Variants in MIB2 observed in about 807,000 individuals in gnomAD.
The protein encoded by MIB2 is MIB E3 ubiquitin protein ligase 2.
A neutral mutation model predicts 96.6 loss-of-function variants in MIB2; 78 were observed. The ratio of observed to expected loss-of-function variants is 0.81; its 90% CI spans 0.67 to 0.97. The LOEUF (loss-of-function observed/expected upper bound fraction) is 0.97. Among genes scored for constraint, MIB2 ranks in the 50% least tolerant of loss-of-function variants. The pLI is 0.00. For synonymous variants in MIB2, 820 were observed against 629.5 expected, an observed-to-expected ratio of 1.30 and a Z score of -4.53; for missense variants, 1,543 against 1,424.0, an observed-to-expected ratio of 1.08 and a Z score of -1.35.
In MIB2 at chr1:1,626,983, C is replaced by T. The variant is rs765251943; in HGVS notation, c.1224C>T (p.Arg408=). The change falls in exon 10 of 20, where the codon CGC becomes CGT. Residue 408 remains arginine, a synonymous_variant. Coordinates refer to ENST00000355826, the MANE Select transcript of MIB2 (RefSeq NM_001170687.4). This position sits in a 1 kb window ranked among gnomAD's most constrained non-coding sequence, Gnocchi z 5.3. ...EEDANLDVAE[R]ARENKSSLSV... ...ATGCCAACCTGGACGTGGCCGAGCG[C>T]GCCCGGGAGAACAAAAGTGCGGCAC... The T allele has an allele frequency of 1.1e-5, 18 of 1,611,234 alleles. No homozygotes were observed. The highest frequency in any genetic ancestry group is 3.3e-5 in the Admixed American group (2 of 59,850).
rs1298421383 is a variant in MIB2, at chr1:1,623,439, C to A, written c.-14C>A. The A allele has an allele frequency of 6.2e-7, 1 of 1,601,470 alleles. No homozygotes were observed. Among genetic ancestry groups the A allele is most frequent in the East Asian group, 2.3e-5 (1 of 44,228 alleles). On this transcript the variant is annotated 5_prime_UTR_variant, in exon 3 of 20. Coordinates refer to ENST00000355826, the MANE Select transcript of MIB2 (RefSeq NM_001170687.4). ...GACCCCTCTGCCCACAGGTCCCGAG[C>A]AGCCCCGCCCAACATGGACCCAGAC...
chr1:1,630,419 C>A lies in MIB2; in HGVS notation c.2757C>A (p.Ile919=), dbSNP rs1355895276. Residue 919 remains isoleucine (I), a synonymous_variant, in exon 20 of 20, where the codon ATC becomes ATA. Transcript: ENST00000355826. ...ITCPICIDSH[I]RLVFQCGHGA... ...GCCCCATCTGCATCGACAGCCACAT[C>A]CGCCTCGTGTTCCAGTGCGGCCACG... The A allele has an allele frequency of 1.3e-6, 2 of 1,584,100 alleles. No individual in the cohort carries two copies. The highest frequency in any genetic ancestry group is 1.8e-5 in the Admixed American group (1 of 56,554).
Position 1,629,163 on chromosome 1 carries a change from G to A in MIB2, c.2233G>A (p.Glu745Lys), listed in dbSNP as rs757205242. 1 of 1,503,650 alleles carries A rather than the reference G, an allele frequency of 6.7e-7. No homozygotes were observed. The highest frequency in any genetic ancestry group is 1.5e-5 in the African/African-American group (1 of 68,930). 93.1% of individuals were successfully genotyped at this position (1,503,650 alleles called of 1,614,324 possible). Reference sequence around the variant, plus strand: ...GGCCTCGGGCCTCCCCGGCAGCGCGGAGCTGACGGTGGGCGCGGCGGTCGC... The same window carrying A: ...GGCCTCGGGCCTCCCCGGCAGCGCGAAGCTGACGGTGGGCGCGGCGGTCGC... ...LQASGLPGSAELTVGAAVACF... is the reference protein window; with the variant it reads ...LQASGLPGSAKLTVGAAVACF... The change falls in exon 17 of 20, where the codon GAG becomes AAG. Residue 745 changes from glutamate to lysine, a missense_variant. Transcript: ENST00000355826.
rs1157612245 is a variant in MIB2, at chr1:1,629,439, C to A, written c.2436C>A (p.Thr812=). ...CGGGCCCCAGGCAAACGCTCGGGAC[C>A]CCCAACACCGTGACGAACCTGCACG... ...AAPGPRQTLG[T]PNTVTNLHVG... is the part of the protein sequence containing the mutation. Residue 812 remains threonine, a synonymous_variant, in exon 18 of 20, where the codon ACC becomes ACA. Coordinates refer to ENST00000355826, the MANE Select transcript of MIB2 (RefSeq NM_001170687.4). The A allele has an allele frequency of 3.9e-6, 6 of 1,528,828 alleles. No homozygotes were observed. The highest frequency in any genetic ancestry group is 1.4e-5 in the African/African-American group (1 of 71,992). The allele number at this position is 1,528,828 out of a possible 1,614,324, so 94.7% of individuals were successfully genotyped here.
chr1:1,626,752 C>A lies in MIB2; in HGVS notation c.1075C>A (p.Pro359Thr), dbSNP rs765642355. 1.9e-6 allele frequency: 3 copies of A among 1,585,744 alleles called. No homozygotes were observed. ...TGGCGAGTGGACGGACGACATGGCC[C>A]CTGTGAGTCCCCCTGCCACCCCCGC... ...GHGEWTDDMA[P>T]ALGRVGKVVK... is the part of the protein sequence containing the mutation. The change falls in exon 9 of 20, where the codon CCT (proline) becomes ACT (threonine). Residue 359 changes from proline to threonine, a missense_variant and splice_region_variant. Pro to Thr is a conservative substitution (Grantham distance 38). Transcript: ENST00000355826. The surrounding 1 kb of genome is among the most constrained non-coding windows in gnomAD (Gnocchi z 5.3).
intron 2 of MIB2, 162 bp from the exon 3 acceptor site, chr1:1,623,269 C>T: frequency 8.0e-7 from 1 of 1,248,238 alleles, no homozygotes; most frequent in Non-Finnish European, 1.1e-6. Context: ...GACTGCGGGC[C>T]TCCTTGGGCC....
chr1:1,615,989 C>T (rs1643603089), intron 1 of MIB2: 13 of 985,026 alleles, frequency 1.3e-5, no homozygotes, highest in Non-Finnish European at 1.6e-5. Flanking sequence ...CAGTCGGGGC[C>T]GGTGGGTGGC....
At chr1:1,627,052 C>G in intron 10 of MIB2, 22 bp from the exon 11 acceptor site, 2 of 1,602,224 alleles carry the variant, frequency 1.2e-6, no homozygotes, top group Middle Eastern at 1.7e-4. Context: ...CTGGCCACCA[C>G]TAACCTCAGC....
chr1:1,628,552 C>A lies in MIB2; in HGVS notation c.2032C>A (p.Gln678Lys), dbSNP rs765793334. 6.2e-7 allele frequency: 1 copy of A among 1,601,822 alleles called. No individual in the cohort carries two copies. Among genetic ancestry groups the A allele is most frequent in the African/African-American group, 1.3e-5 (1 of 75,004 alleles). The part of the protein sequence containing the change: ...LQSPLHLAVQ[Q>K]AHVGLVPLLV... ...GTCCCCGCTGCATCTCGCCGTGCAA[C>A]AGGCCCACGTGGGGCTGGTGCCGCT... The change falls in exon 16 of 20, where the codon CAG (glutamine) becomes AAG (lysine). Residue 678 changes from glutamine to lysine, a missense_variant. Transcript: ENST00000355826.
chr1:1,628,724 T>C lies in MIB2; in HGVS notation c.2202+2T>C. ...GGGCCCTTGCAGCTGCTGTCCAGGG[T>C]GAGGAAGTGTGGCGTGGGGTGCTGG... On this transcript the variant is annotated splice_donor_variant, in intron 16 of 19. Transcript: ENST00000355826. LOFTEE classifies it high-confidence loss of function. The C allele has an allele frequency of 2.0e-6, 3 of 1,529,762 alleles. No individual in the cohort carries two copies. Among genetic ancestry groups the C allele is most frequent in the Non-Finnish European group, 2.6e-6 (3 of 1,136,368 alleles). 94.8% of individuals were successfully genotyped at this position (1,529,762 alleles called of 1,614,324 possible).
intron 16 of MIB2, 146 bp from the exon 17 acceptor site, chr1:1,628,987 C>A: frequency 1.1e-6 from 1 of 923,740 alleles, no homozygotes; most frequent in South Asian, 1.9e-5. Context: ...CCCCTCCTGC[C>A]TGTCCCACTT....
At position 1,627,107 on chromosome 1, in the gene MIB2, C is replaced by T. The variant is rs770059073; in HGVS notation, c.1274C>T (p.Ala425Val). The change falls in exon 11 of 20, where the codon GCC (alanine) becomes GTC (valine). Residue 425 changes from alanine to valine, a missense_variant. Transcript: ENST00000355826. ...SLSVALDKLR[A>V]QKSDPEHPGR... is the part of the protein sequence containing the mutation. ...AGCGTGGCCCTGGACAAGCTTCGGGCCCAGAAGAGTGACCCAGAGCACCCG... is the reference window on the plus strand; with the variant it reads ...AGCGTGGCCCTGGACAAGCTTCGGGTCCAGAAGAGTGACCCAGAGCACCCG... 1 of 1,600,426 alleles carries T rather than the reference C, an allele frequency of 6.2e-7. No individual in the cohort carries two copies. Among genetic ancestry groups the T allele is most frequent in the South Asian group, 1.1e-5 (1 of 89,616 alleles).
chr1:1,616,658 C>T, intron 2 of MIB2, 44 bp downstream of exon 2: 1 of 1,495,052 alleles, frequency 6.7e-7, no homozygotes, highest in South Asian at 1.2e-5. Context: ...GCACTTGGCT[C>T]TCCCACTTTG....
chr1:1,628,915 G>A (rs1557619592), intron 16 of MIB2, 193 bp downstream of exon 16: 1 of 720,726 alleles, frequency 1.4e-6, no homozygotes, highest in Non-Finnish European at 2.2e-6. Flanking sequence ...CTGGGAAAGG[G>A]GTGGTGCCCA....
In MIB2 at chr1:1,628,531, C is replaced by G. The variant is rs774099782; in HGVS notation, c.2011C>G (p.Pro671Ala). The G allele has an allele frequency of 8.7e-6, 14 of 1,601,164 alleles. No homozygotes were observed. In the South Asian group the frequency reaches 8.8e-5, roughly 10 times the overall value. The change falls in exon 16 of 20, where the codon CCG becomes GCG. Residue 671 changes from proline (P) to alanine (A), a missense_variant. By Grantham distance (27) the Pro-to-Ala change is conservative (BLOSUM62 -1). Coordinates refer to ENST00000355826, the MANE Select transcript of MIB2 (RefSeq NM_001170687.4). ...VNVRNRKLQSPLHLAVQQAHV... is the reference protein window; with the variant it reads ...VNVRNRKLQSALHLAVQQAHV... ...CGTGCGCAACCGGAAGCTGCAGTCC[C>G]CGCTGCATCTCGCCGTGCAACAGGC... is the stretch of plus-strand genomic sequence containing the variant.
chr1:1,623,645 C>T lies in MIB2; in HGVS notation c.193C>T (p.Arg65Cys), dbSNP rs1318679756. 2.2e-5 allele frequency: 32 copies of T among 1,477,588 alleles called. No homozygotes were observed. The highest frequency in any genetic ancestry group is 1.7e-4 in the Admixed American group (7 of 42,198). The allele number at this position is 1,477,588 out of a possible 1,614,324, so 91.5% of individuals were successfully genotyped here. Reference sequence around the variant, plus strand: ...GGACCAGGGCACGCGCACCAACTACCGCGCCGGCTACCAGGGCGCGCACGA... The same window carrying T: ...GGACCAGGGCACGCGCACCAACTACTGCGCCGGCTACCAGGGCGCGCACGA... Reference protein sequence around the residue: ...QWDQGTRTNYRAGYQGAHDLL... With the variant: ...QWDQGTRTNYCAGYQGAHDLL... The change falls in exon 3 of 20, where the codon CGC (arginine) becomes TGC (cysteine). Residue 65 changes from arginine to cysteine, a missense_variant. Coordinates refer to ENST00000355826, the MANE Select transcript of MIB2 (RefSeq NM_001170687.4).
intron 1 of MIB2, 91 bp from the exon 2 acceptor site, chr1:1,616,416 TG>T: frequency 1.1e-6 from 1 of 932,982 alleles, no homozygotes; most frequent in Non-Finnish European, 1.6e-6. Flanking sequence ...CGAGTGGACC[TG>T]GAGCCGGCGG....
rs773322327 is a variant in MIB2 at position 1,626,681 on chromosome 1, G to A, written c.1004G>A (p.Arg335Gln). The change falls in exon 9 of 20, where the codon CGG becomes CAG. Residue 335 changes from arginine to glutamine, a missense_variant. By Grantham distance (43) the Arg-to-Gln change is conservative. Transcript: ENST00000355826. This position sits in a 1 kb window ranked among gnomAD's most constrained non-coding sequence, Gnocchi z 5.3. ...TCCTTCTGGGTGGGCGACGTGGTCC[G>A]GGTCATCGGCGACCTTGACACAGTG... is the stretch of plus-strand genomic sequence containing the variant. ...HHSFWVGDVV[R>Q]VIGDLDTVKR... 4.5e-5 allele frequency: 71 copies of A among 1,585,948 alleles called. No individual in the cohort carries two copies. The highest frequency in any genetic ancestry group is 2.8e-4 in the South Asian group (25 of 88,070).
Position 1,629,214 on chromosome 1 carries a change from G to T in MIB2, c.2284G>T (p.Asp762Tyr), listed in dbSNP as rs899138233. ...CTGCTTCCTGGCGCTGGAGGGCGCC[G>T]ACGTGAGCTACACCAACCACCGCGG... ...VACFLALEGA[D>Y]VSYTNHRGRS... The change falls in exon 17 of 20, where the codon GAC (aspartate) becomes TAC (tyrosine). Residue 762 changes from aspartate (D) to tyrosine (Y), a missense_variant. Physicochemically the swap from Asp to Tyr is radical, Grantham distance 160. Coordinates refer to ENST00000355826, the MANE Select transcript of MIB2 (RefSeq NM_001170687.4). The T allele has an allele frequency of 2.0e-6, 3 of 1,534,412 alleles. No individual in the cohort carries two copies. Among genetic ancestry groups the T allele is most frequent in the African/African-American group, 2.9e-5 (2 of 69,958 alleles).
Sources: allele counts gnomAD v4.1 joint callset, GRCh38; gene constraint gnomAD v4.1.1; non-coding constraint Gnocchi (gnomAD v3.1); transcripts MANE v1.5; gene names NCBI Gene and HGNC (gene_info 2026-07-23, HGNC 2026-07-21).